BMI1: variants seen among roughly 807,000 people sequenced by gnomAD.
The protein encoded by BMI1 is BMI1 proto-oncogene, polycomb ring finger.
Under a neutral mutation model 39.1 loss-of-function variants are expected in BMI1, and 9 were observed. The ratio of observed to expected loss-of-function variants is 0.23; its 90% CI spans 0.14 to 0.40. The LOEUF is 0.40. Ranked by LOEUF, BMI1 falls within the 10% of genes least tolerant of loss-of-function variation. The pLI is 1.00. For synonymous variants in BMI1, 131 were observed against 127.9 expected (o/e 1.02, Z -0.16); for missense variants, 252 against 390.8 (o/e 0.64, Z 2.99).
At position 22,329,233 on chromosome 10, in the gene BMI1, A is replaced by G. The variant is rs1264693834; in HGVS notation, c.672A>G (p.Lys224=). 1 of 1,613,992 alleles carries G rather than the reference A, an allele frequency of 6.2e-7. No homozygotes were observed. The highest frequency in any genetic ancestry group is 8.5e-7 in the Non-Finnish European group (1 of 1,179,868). ...TGTAGAATGGTCCACTTCCATTGAA[A>G]TACAGAGTTCGACCTACTTGTAAAA... The part of the protein sequence containing the change: ...TWRRNGPLPL[K]YRVRPTCKRM... The change falls in exon 10 of 10, where the codon AAA becomes AAG. Residue 224 remains lysine (K), a synonymous_variant. Transcript: ENST00000376663.
At chr10:22,325,903 A>G (rs1836138157) in intron 1 of BMI1, 1 of 152,154 alleles carries the variant, frequency 6.6e-6, no homozygotes, top group East Asian at 1.9e-4. Flanking sequence ...CCGGCTCCGG[A>G]AATGCCAGGG....
chr10:22,329,578 C>G lies in BMI1; in HGVS notation c.*36C>G. ...TGTTAAGGAAAAAAATTTTAAACCCCTGATTTATATAGATATCTTCATGCC... is the reference window on the plus strand; with the variant it reads ...TGTTAAGGAAAAAAATTTTAAACCCGTGATTTATATAGATATCTTCATGCC... On this transcript the variant is annotated 3_prime_UTR_variant, in exon 10 of 10. Transcript: ENST00000376663. The G allele has an allele frequency of 6.3e-7, 1 of 1,595,688 alleles. No individual in the cohort carries two copies. The highest frequency in any genetic ancestry group is 8.5e-7 in the Non-Finnish European group (1 of 1,169,970).
chr10:22,327,080 C>G (rs922061193), intron 3 of BMI1, 94 bp downstream of exon 3: 1 of 1,378,858 alleles, frequency 7.3e-7, no homozygotes, highest in Middle Eastern at 2.2e-4. Context: ...AGAAAATTTA[C>G]TCTTGAATAC....
intron 1 of BMI1, among the ~76,000 whole-genome samples, 158 bp from the exon 2 acceptor site, chr10:22,326,273 C>T (rs767432207): frequency 7.2e-5 from 11 of 152,014 alleles, no homozygotes; most frequent in Non-Finnish European, 1.5e-4. Flanking sequence ...AGAACTGATT[C>T]CGATCTGATG....
Position 22,329,499 on chromosome 10 carries a change from G to T in BMI1, c.938G>T (p.Arg313Leu), listed in dbSNP as rs374810543. 3 of 1,613,978 alleles carry T rather than the reference G, an allele frequency of 1.9e-6. No individual in the cohort carries two copies. Among genetic ancestry groups the T allele is most frequent in the African/African-American group, 2.7e-5 (2 of 74,916 alleles). ...CAATCTTCTTTTGCCAATAGACCTC[G>T]AAAATCATCAGTAAATGGGTCATCA... ...NHQSSFANRP[R>L]KSSVNGSSAT... Residue 313 changes from arginine (R) to leucine (L), a missense_variant, in exon 10 of 10, where the codon CGA becomes CTA. Arg to Leu is a moderately radical substitution (Grantham distance 102). Transcript: ENST00000376663.
intron 5 of BMI1, 54 bp from the exon 6 acceptor site, chr10:22,327,896 A>G (rs574927820): frequency 3.8e-6 from 6 of 1,581,304 alleles, no homozygotes; most frequent in Non-Finnish European, 3.4e-6. Flanking sequence ...TCTTATATAT[A>G]AAATTTATTA....
At position 22,327,831 on chromosome 10, in the gene BMI1, G is replaced by A. The variant is rs757430223; in HGVS notation, c.316+39G>A. On this transcript the variant is annotated intron_variant, in intron 5 of 9. Coordinates refer to ENST00000376663, the MANE Select transcript of BMI1 (RefSeq NM_005180.9). Reference sequence around the variant, plus strand: ...GGGAGGGAAGACATTTTATATGGGGGGAGAGCTTATCTAGGAATTAAAATG... The same window carrying A: ...GGGAGGGAAGACATTTTATATGGGGAGAGAGCTTATCTAGGAATTAAAATG... 5 of 1,611,448 alleles carry A rather than the reference G, an allele frequency of 3.1e-6. No homozygotes were observed. The East Asian group carries it at 6.7e-5, about 22-fold the overall frequency.
At position 22,331,462 on chromosome 10, in the gene BMI1, T is replaced by C. The variant is rs1410567040; in HGVS notation, c.*1920T>C. On this transcript the variant is annotated 3_prime_UTR_variant, in exon 10 of 10. Transcript: ENST00000376663. ...ATCTGTTTATTTACAGTCTTTGAAGTAAAAGTTACCAATGTTTGCCAATTT... is the reference window on the plus strand; with the variant it reads ...ATCTGTTTATTTACAGTCTTTGAAGCAAAAGTTACCAATGTTTGCCAATTT... The C allele has an allele frequency of 6.6e-6, 1 of 152,194 alleles. No homozygotes were observed. The highest frequency in any genetic ancestry group is 1.5e-5 in the Non-Finnish European group (1 of 67,980). The allele number at this position is 152,194 out of a possible 1,614,324, so 9.4% of individuals were successfully genotyped here.
chr10:22,328,364 C>T (rs1836206568), intron 7 of BMI1, among the ~76,000 whole-genome samples, 185 bp downstream of exon 7: 1 of 151,980 alleles, frequency 6.6e-6, no homozygotes, highest in Non-Finnish European at 1.5e-5. Flanking sequence ...GATTGTTAGT[C>T]TTACAAAATA....
intron 1 of BMI1, among the ~76,000 whole-genome samples, chr10:22,323,478 A>G (rs939261268): frequency 6.6e-6 from 1 of 152,234 alleles, no homozygotes; most frequent in African/African-American, 2.4e-5. Flanking sequence ...CTCTATCACT[A>G]ACTTCTTGGA....
chr10:22,325,628 C>T (rs1356842587), intron 1 of BMI1: 1 of 145,808 alleles, frequency 6.9e-6, no homozygotes, highest in African/African-American at 2.5e-5. Context: ...GCCCCTCCCC[C>T]GCCCGCCCGC....
Position 22,323,076 on chromosome 10 carries a change from A to G in BMI1, c.-20+1380A>G, listed in dbSNP as rs146169161. 5.3e-4 allele frequency among the ~76,000 whole-genome samples: 81 copies of G among 152,382 alleles called. 2 individuals carry two copies. The East Asian group carries it at 0.015, about 28-fold the overall frequency. On this transcript the variant is annotated intron_variant, in intron 1 of 9. Transcript: ENST00000376663. ...TGGTGGTGTGTACAACGTTATGAGT[A>G]GTTCAACCTATATTTTATAGGAACC...
In BMI1 at chr10:22,330,051, T is replaced by C. The variant is rs1362678236; in HGVS notation, c.*509T>C. The C allele has an allele frequency of 6.5e-6, 1 of 153,452 alleles. No homozygotes were observed. Among genetic ancestry groups the C allele is most frequent in the Non-Finnish European group, 1.5e-5 (1 of 68,640 alleles). 9.5% of individuals were successfully genotyped at this position (153,452 alleles called of 1,614,324 possible). On this transcript the variant is annotated 3_prime_UTR_variant, in exon 10 of 10. Transcript: ENST00000376663. Reference sequence around the variant, plus strand: ...TGTGAATAACGATTTCTTGCATATTTAGCCATTTTGATTCCTGTTTGATTT... The same window carrying C: ...TGTGAATAACGATTTCTTGCATATTCAGCCATTTTGATTCCTGTTTGATTT...
intron 8 of BMI1, 152 bp from the exon 9 acceptor site, chr10:22,328,896 T>C: frequency 1.0e-6 from 1 of 987,502 alleles, no homozygotes; most frequent in Non-Finnish European, 1.4e-6. Context: ...TCTCTAGAAA[T>C]AATTTTTTCT....
At chr10:22,322,001 C>T (rs1836016080) in intron 1 of BMI1, 1 of 146,516 alleles carries the variant, frequency 6.8e-6, no homozygotes, top group Non-Finnish European at 1.5e-5. Flanking sequence ...CGGCGCCGCT[C>T]CAGCCGCCGC....
chr10:22,327,248 A>C (rs966080879), intron 3 of BMI1, among the ~76,000 whole-genome samples: 3 of 151,928 alleles, frequency 2.0e-5, no homozygotes, highest in Admixed American at 2.0e-4. Flanking sequence ...CCTTTTTTGC[A>C]TTGCTTTATG....
intron 1 of BMI1, among the ~76,000 whole-genome samples, chr10:22,324,900 T>C (rs932995254): frequency 3.3e-5 from 5 of 152,254 alleles, no homozygotes; most frequent in Non-Finnish European, 7.3e-5. Context: ...GTGACTTTCC[T>C]GTAATAGAGG....
rs1162912651 is a variant in BMI1 at position 22,329,095 on chromosome 10, A to G, written c.618A>G (p.Leu206=). 1.9e-6 allele frequency: 3 copies of G among 1,612,896 alleles called. No individual in the cohort carries two copies. The South Asian group carries it at 3.3e-5, about 18-fold the overall frequency. The change falls in exon 9 of 10, where the codon CTA becomes CTG. Residue 206 remains leucine, a synonymous_variant. Transcript: ENST00000376663. ...AACCTTTAAAGGATTATTATACACT[A>G]ATGGATATTGCCTACATTTATACCT... The part of the protein sequence containing the change: ...EEEPLKDYYT[L]MDIAYIYTWR...
chr10:22,323,716 G>A (rs1414452919), intron 1 of BMI1, among the ~76,000 whole-genome samples: 51 of 152,216 alleles, frequency 3.4e-4, no homozygotes, highest in Admixed American at 3.3e-3. Context: ...CCCCAACTGA[G>A]TGTGTTACAA....
Sources: gnomAD v4.1 joint callset for allele counts (sites outside exome capture counted in the v4.1 genomes callset) on GRCh38, gnomAD v4.1.1 for gene constraint, MANE v1.5 for transcripts, NCBI Gene and HGNC (gene_info 2026-07-23, HGNC 2026-07-21) for gene names.